The following ZNF143 variants were observed in gnomAD, a reference collection of about 807,000 sequenced individuals.
ZNF143 encodes the protein zinc finger protein 143, also known as SPH-binding factor.
Under a neutral mutation model 74.1 loss-of-function variants are expected in ZNF143, and 49 were observed. The observed-to-expected ratio is 0.66, with a 90% confidence interval of 0.53 to 0.84. The LOEUF (loss-of-function observed/expected upper bound fraction) is 0.84. Ranked by LOEUF, ZNF143 falls within the 40% of genes least tolerant of loss-of-function variation. The pLI is 0.00. For synonymous variants in ZNF143, 304 were observed against 282.8 expected (o/e 1.07, Z -0.75); for missense variants, 637 against 793.4 (o/e 0.80, Z 2.37).
chr11:9,462,114 G>A (rs549241288), intron 1 of ZNF143: 1 of 152,280 alleles, frequency 6.6e-6, no homozygotes, highest in Non-Finnish European at 1.5e-5. Context: ...AACGTGATAA[G>A]GAGATCACTC....
At position 9,486,785 on chromosome 11, in the gene ZNF143, C is replaced by T. The variant is rs544097841; in HGVS notation, c.645+7239C>T. On this transcript the variant is annotated intron_variant, in intron 7 of 15. Coordinates refer to ENST00000396602, the MANE Select transcript of ZNF143 (RefSeq NM_003442.6). ...CCGGGTTCAAGCGATTCTCCTTCCT[C>T]AGCCTCCCGAGTAGCTGGGACTACA... 1.2e-4 allele frequency among the ~76,000 whole-genome samples: 18 copies of T among 149,898 alleles called. No individual in the cohort carries two copies. In the East Asian group the frequency reaches 3.1e-3, roughly 26 times the overall value.
intron 5 of ZNF143, 58 bp from the exon 6 acceptor site, chr11:9,478,332 T>C: frequency 6.4e-7 from 1 of 1,554,684 alleles, no homozygotes; most frequent in African/African-American, 1.4e-5. Flanking sequence ...CCTTTAAATA[T>C]GTAAATATTT....
intron 7 of ZNF143, among the ~76,000 whole-genome samples, chr11:9,487,277 C>T (rs560069315): frequency 7.3e-5 from 11 of 151,644 alleles, no homozygotes; most frequent in Non-Finnish European, 1.3e-4. Context: ...ACAGTATGTC[C>T]TTTATAGACA....
intron 14 of ZNF143, among the ~76,000 whole-genome samples, chr11:9,519,976 A>C (rs1848854463): frequency 6.6e-6 from 1 of 150,606 alleles, no homozygotes; most frequent in Non-Finnish European, 1.5e-5. Context: ...GCTTGAGCCC[A>C]GGATTTTAAA....
chr11:9,480,420 T>C (rs1847188094), intron 7 of ZNF143, among the ~76,000 whole-genome samples: 1 of 152,010 alleles, frequency 6.6e-6, no homozygotes, highest in Non-Finnish European at 1.5e-5. Flanking sequence ...TTCTTCAGAG[T>C]TTTATTATAT....
chr11:9,499,543 G>A lies in ZNF143; in HGVS notation c.968-1548G>A, dbSNP rs954901785. Among the ~76,000 whole-genome samples the A allele has an allele frequency of 7.8e-4, 119 of 152,270 alleles. 3 individuals are homozygous for A. The East Asian group carries it at 0.016, about 20-fold the overall frequency. On this transcript the variant is annotated intron_variant, in intron 10 of 15. Coordinates refer to ENST00000396602, the MANE Select transcript of ZNF143 (RefSeq NM_003442.6). ...AAATCATAATTTCATTTGACCAAAA[G>A]AAAAACAACAAACTAGCCAGTCGTG...
chr11:9,496,301 A>G lies in ZNF143; in HGVS notation c.766-2A>G, dbSNP rs1440421094. ...AGAATCATGCCTGCATTTTAATCAC[A>G]GGTCCATGAGAGGTCACACACAGGA... is the stretch of plus-strand genomic sequence containing the variant. On this transcript the variant is annotated splice_acceptor_variant, in intron 8 of 15. Coordinates refer to ENST00000396602, the MANE Select transcript of ZNF143 (RefSeq NM_003442.6). LOFTEE classifies it high-confidence loss of function. The G allele has an allele frequency of 6.2e-7, 1 of 1,613,966 alleles. No individual in the cohort carries two copies. The highest frequency in any genetic ancestry group is 8.5e-7 in the Non-Finnish European group (1 of 1,179,860).
In ZNF143 at chr11:9,472,778, CT is replaced by C. The variant is rs1565024592; in HGVS notation, c.205+10del. 6.4e-7 allele frequency: 1 copy of C among 1,552,746 alleles called. No individual in the cohort carries two copies. Among genetic ancestry groups the C allele is most frequent in the African/African-American group, 1.4e-5 (1 of 72,122 alleles). The stretch of plus-strand genomic sequence containing the variant: ...ACAACACAATTCTAAAGGTATGTGC[CT>C]CACATATGGCTGATTGGTTAATACC... On this transcript the variant is annotated intron_variant, in intron 3 of 15. Coordinates refer to ENST00000396602, the MANE Select transcript of ZNF143 (RefSeq NM_003442.6).
chr11:9,461,322 C>T lies in ZNF143; in HGVS notation c.-8+246C>T, dbSNP rs79446847. Among the ~76,000 whole-genome samples, 282 of 152,308 alleles carry T rather than the reference C, an allele frequency of 1.9e-3. 2 individuals carry two copies. The highest frequency in any genetic ancestry group is 6.4e-3 in the African/African-American group (268 of 41,570). On this transcript the variant is annotated intron_variant, in intron 1 of 15. Transcript: ENST00000396602. Reference sequence around the variant, plus strand: ...TTTTCGTTGAGGACTCAACTCCCCCCAGCTTGTCTCTGAGCGATGCGCCCC... The same window carrying T: ...TTTTCGTTGAGGACTCAACTCCCCCTAGCTTGTCTCTGAGCGATGCGCCCC...
At chr11:9,511,493 TG>T (rs1848544678) in intron 12 of ZNF143, among the ~76,000 whole-genome samples, 1 of 148,714 alleles carries the variant, frequency 6.7e-6, no homozygotes, top group Non-Finnish European at 1.5e-5. Flanking sequence ...TTAGTAGAAA[TG>T]GGTTTCACCG....
chr11:9,509,379 A>T (rs1041252002), intron 12 of ZNF143, among the ~76,000 whole-genome samples: 3 of 152,222 alleles, frequency 2.0e-5, no homozygotes, highest in Non-Finnish European at 4.4e-5. Context: ...CTCTTCATTG[A>T]TTCAGGTGCT....
chr11:9,463,078 T>A (rs1177311572), intron 1 of ZNF143, among the ~76,000 whole-genome samples: 3 of 152,210 alleles, frequency 2.0e-5, no homozygotes, highest in Non-Finnish European at 4.4e-5. Context: ...GTATGTAGCC[T>A]TGTCCAGGGT....
Position 9,479,507 on chromosome 11 carries a change from T to C in ZNF143, c.606T>C (p.Thr202=). The change falls in exon 7 of 16, where the codon ACT becomes ACC. Residue 202 remains threonine (T), a synonymous_variant. Coordinates refer to ENST00000396602, the MANE Select transcript of ZNF143 (RefSeq NM_003442.6). ...ATGGAAGTGAAAGTGTAGCAGGTAC[T>C]GGAATGATTGGAGAAAATGAGCAAG... ...SIDGSESVAG[T]GMIGENEQEK... 1 of 1,613,438 alleles carries C rather than the reference T, an allele frequency of 6.2e-7. No individual in the cohort carries two copies. The highest frequency in any genetic ancestry group is 8.5e-7 in the Non-Finnish European group (1 of 1,179,804).
chr11:9,481,902 A>ATT (rs755448571), intron 7 of ZNF143, among the ~76,000 whole-genome samples: 18 of 138,854 alleles, frequency 1.3e-4, no homozygotes, highest in Admixed American at 7.4e-4. Flanking sequence ...AAAAAAAAAA[A>ATT]TTTCAGAACT....
intron 12 of ZNF143, among the ~76,000 whole-genome samples, chr11:9,510,669 A>T (rs138636499): frequency 6.6e-6 from 1 of 152,174 alleles, no homozygotes; most frequent in African/African-American, 2.4e-5. Flanking sequence ...ATATGAGTGC[A>T]TGGATTAACC....
In ZNF143 at chr11:9,497,799, A is replaced by T. The variant is rs1445323442; in HGVS notation, c.966A>T (p.Thr322=). The T allele has an allele frequency of 6.3e-7, 1 of 1,575,454 alleles. No homozygotes were observed. Among genetic ancestry groups the T allele is most frequent in the Non-Finnish European group, 8.6e-7 (1 of 1,159,546 alleles). The change falls in exon 10 of 16, where the codon ACA becomes ACT. Residue 322 remains threonine, a splice_region_variant and synonymous_variant. Coordinates refer to ENST00000396602, the MANE Select transcript of ZNF143 (RefSeq NM_003442.6). Reference sequence around the variant, plus strand: ...TACAGAAACACATCAGAACTCATACAGGTACTAGTGGAAACAGAGTGTCAA... The same window carrying T: ...TACAGAAACACATCAGAACTCATACTGGTACTAGTGGAAACAGAGTGTCAA... ...GDLQKHIRTH[T]GERPFKCPFE...
Position 9,500,503 on chromosome 11 carries a change from G to A in ZNF143, c.968-588G>A, listed in dbSNP as rs182355907. ...GGCTGGAGTGCAACGGTGTAATCTC[G>A]GCTCACTGCAACCTCCGCCTCTTGA... On this transcript the variant is annotated intron_variant, in intron 10 of 15. Coordinates refer to ENST00000396602, the MANE Select transcript of ZNF143 (RefSeq NM_003442.6). Among the ~76,000 whole-genome samples the A allele has an allele frequency of 3.6e-3, 552 of 151,374 alleles. 4 individuals are homozygous for A. The highest frequency in any genetic ancestry group is 0.013 in the African/African-American group (520 of 41,258).
intron 1 of ZNF143, among the ~76,000 whole-genome samples, chr11:9,470,174 A>G (rs541091157): frequency 3.9e-5 from 6 of 152,260 alleles, no homozygotes; most frequent in African/African-American, 1.4e-4. Flanking sequence ...AGAAGGGAAG[A>G]AGGAGGTTGT....
At chr11:9,468,161 G>A (rs1252532595) in intron 1 of ZNF143, among the ~76,000 whole-genome samples, 1 of 152,152 alleles carries the variant, frequency 6.6e-6, no homozygotes, top group African/African-American at 2.4e-5. Context: ...TTACCAAACT[G>A]CTCTGTGCAT....
Sources: allele counts gnomAD v4.1 joint callset (sites outside exome capture counted in the v4.1 genomes callset), GRCh38; gene constraint gnomAD v4.1.1; transcripts MANE v1.5; gene names NCBI Gene and HGNC (gene_info 2026-07-23, HGNC 2026-07-21).